The following AUTS2 variants were observed in gnomAD, a reference collection of about 807,000 sequenced individuals.
AUTS2 encodes autism susceptibility gene 2 protein.
AUTS2 carries 17 observed loss-of-function variants against 112.4 expected under a neutral mutation model. The observed-to-expected ratio is 0.15, with a 90% CI of 0.10 to 0.23. The LOEUF (loss-of-function observed/expected upper bound fraction) is 0.23. AUTS2 is among the 10% of genes least tolerant of loss of function. AUTS2 has a pLI of 1.00. For missense variants in AUTS2, 1,510 were observed against 1,701.6 expected (o/e 0.89, Z 1.98); for synonymous variants, 751 against 702.7 (o/e 1.07, Z -1.09).
chr7:69,888,377 G>A (rs1794366769), intron 1 of AUTS2, among the ~76,000 whole-genome samples: 1 of 150,862 alleles, frequency 6.6e-6, no homozygotes, highest in Admixed American at 6.6e-5. Context: ...ATGGGGGGAG[G>A]TACCAGTCTC....
At chr7:69,857,117 G>T (rs191207455) in intron 1 of AUTS2, among the ~76,000 whole-genome samples, 11 of 152,292 alleles carry the variant, frequency 7.2e-5, no homozygotes, top group Non-Finnish European at 5.9e-5. Context: ...GCACCTTGGA[G>T]TGATGGAATT....
rs35215443 is a variant in AUTS2, at chr7:70,185,257, C to CTTTTTTTTTTTTTTTTTTTTTTT, written c.660+50691_660+50713dup. ...TGCTTTGGGCCTAAATGACATTAAA[C>CTTTTTTTTTTTTTTTTTTTTTTT]TTTTTTTTTTTTTTTTTTTTTTTTT... On this transcript the variant is annotated intron_variant, in intron 4 of 18. Transcript: ENST00000342771. 1.7e-4 allele frequency among the ~76,000 whole-genome samples: 15 copies of CTTTTTTTTTTTTTTTTTTTTTTT among 87,116 alleles called. 1 individual carries two copies. The highest frequency in any genetic ancestry group is 1.5e-3 in the East Asian group (4 of 2,670). The allele number at this position is 87,116 out of a possible 152,430, so 57.2% of individuals were successfully genotyped here.
intron 1 of AUTS2, among the ~76,000 whole-genome samples, chr7:69,741,064 A>G (rs1787244605): frequency 6.6e-6 from 1 of 152,126 alleles, no homozygotes; most frequent in Non-Finnish European, 1.5e-5. Context: ...CTGTGTATGG[A>G]GTGTGGCCTG....
chr7:69,634,865 T>G (rs1794443749), intron 1 of AUTS2, among the ~76,000 whole-genome samples: 1 of 152,214 alleles, frequency 6.6e-6, no homozygotes, highest in Non-Finnish European at 1.5e-5. Flanking sequence ...TGGATTATTC[T>G]AATGGGAATT....
At chr7:70,107,951 C>T (rs1184718493) in intron 2 of AUTS2, among the ~76,000 whole-genome samples, 11 of 150,718 alleles carry the variant, frequency 7.3e-5, no homozygotes, top group Non-Finnish European at 1.5e-5. Context: ...GCGGAGCTTG[C>T]AGTGAGCTGA....
At chr7:70,686,612 C>T (rs1450246627) in intron 5 of AUTS2, among the ~76,000 whole-genome samples, 1 of 152,084 alleles carries the variant, frequency 6.6e-6, no homozygotes, top group Admixed American at 6.5e-5. Context: ...TCTCAGCTTA[C>T]TGCAACCTCC....
At chr7:70,074,429 G>C (rs1168569509) in intron 2 of AUTS2, among the ~76,000 whole-genome samples, 1 of 151,888 alleles carries the variant, frequency 6.6e-6, no homozygotes, top group Admixed American at 6.6e-5. Flanking sequence ...TAATTTTATG[G>C]GGCTCTTAGT....
Position 70,766,314 on chromosome 7 carries a change from C to G in AUTS2, c.1669C>G (p.Pro557Ala). ...CGCCATCCCACCCACCGCCATCATGCCGACGCCAGCACCTCCCATGGTGCG... is the reference window on the plus strand; with the variant it reads ...CGCCATCCCACCCACCGCCATCATGGCGACGCCAGCACCTCCCATGGTGCG... ...PHAIPPTAIM[P>A]TPAPPMFDKY... Residue 557 changes from proline to alanine, a missense_variant, in exon 9 of 19, where the codon CCG becomes GCG. Transcript: ENST00000342771. This position sits in a 1 kb window ranked among gnomAD's most constrained non-coding sequence, Gnocchi z 4.8. The G allele has an allele frequency of 6.2e-7, 1 of 1,614,074 alleles. No individual in the cohort carries two copies. The highest frequency in any genetic ancestry group is 8.5e-7 in the Non-Finnish European group (1 of 1,180,022).
chr7:70,776,703 G>A lies in AUTS2; in HGVS notation c.1933-400G>A, dbSNP rs1043433109. On this transcript the variant is annotated intron_variant, in intron 13 of 18. Coordinates refer to ENST00000342771, the MANE Select transcript of AUTS2 (RefSeq NM_015570.4). The stretch of plus-strand genomic sequence containing the variant: ...ATTTGACTCACAGACATTCACTAAT[G>A]AGCTCTTCTGAACAGCTGATTTGCA... The A allele has an allele frequency of 6.1e-5, 17 of 279,964 alleles. No homozygotes were observed. The South Asian group carries it at 6.2e-4, about 10-fold the overall frequency. 17.3% of individuals were successfully genotyped at this position (279,964 alleles called of 1,614,324 possible). A position where few individuals can be genotyped will look rare whatever the true frequency, so the allele number is the denominator to read the frequency against.
At chr7:70,283,269 G>A (rs1331085283) in intron 4 of AUTS2, among the ~76,000 whole-genome samples, 1 of 152,180 alleles carries the variant, frequency 6.6e-6, no homozygotes. Context: ...GAAAGGAAGG[G>A]TTAATAGCAT....
chr7:69,876,216 A>T (rs1189831404), intron 1 of AUTS2, among the ~76,000 whole-genome samples: 1 of 148,014 alleles, frequency 6.8e-6, no homozygotes, highest in Non-Finnish European at 1.5e-5. Context: ...AATACAAAAA[A>T]ATTAGCTGGG....
chr7:69,816,464 C>A (rs1240687150), intron 1 of AUTS2, among the ~76,000 whole-genome samples: 1 of 152,186 alleles, frequency 6.6e-6, no homozygotes, highest in Admixed American at 6.5e-5. Context: ...TGGCTTCACA[C>A]AGGTTGCTTC....
At chr7:70,721,279 C>CGTTCGTGTGT (rs1786649954) in intron 6 of AUTS2, among the ~76,000 whole-genome samples, 1 of 140,052 alleles carries the variant, frequency 7.1e-6, no homozygotes, top group Non-Finnish European at 1.5e-5. Context: ...GAATTTCATT[C>CGTTCGTGTGT]GTGTGTGTGT....
chr7:69,614,316 C>CTT (rs1554334310), intron 1 of AUTS2, among the ~76,000 whole-genome samples: 6 of 48,802 alleles, frequency 1.2e-4, no homozygotes, highest in Non-Finnish European at 1.8e-4. Context: ...CTCTCCGTCT[C>CTT]TTTCTTTCTT....
At chr7:70,600,375 A>C (rs1368961021) in intron 5 of AUTS2, among the ~76,000 whole-genome samples, 1 of 152,056 alleles carries the variant, frequency 6.6e-6, no homozygotes. Context: ...CTCCTGGGTC[A>C]AGGGATTCTC....
intron 5 of AUTS2, among the ~76,000 whole-genome samples, chr7:70,603,339 G>A (rs951052291): frequency 6.6e-6 from 1 of 152,162 alleles, no homozygotes; most frequent in Non-Finnish European, 1.5e-5. Context: ...GTGTCAGTGT[G>A]CCAGGTACCC....
At chr7:69,667,482 C>G (rs574533351) in intron 1 of AUTS2, among the ~76,000 whole-genome samples, 2 of 151,084 alleles carry the variant, frequency 1.3e-5, no homozygotes, top group Non-Finnish European at 2.9e-5. Context: ...CAGCCTCCTG[C>G]GTAGTTGGGA....
intron 5 of AUTS2, among the ~76,000 whole-genome samples, chr7:70,483,621 G>A (rs1373359752): frequency 6.6e-6 from 1 of 152,156 alleles, no homozygotes; most frequent in African/African-American, 2.4e-5. Context: ...GGAAAATGAA[G>A]ATCTAAGGCT....
intron 2 of AUTS2, among the ~76,000 whole-genome samples, chr7:69,949,217 A>G (rs533305504): frequency 1.3e-5 from 2 of 152,354 alleles, no homozygotes; most frequent in African/African-American, 4.8e-5. Context: ...TAGTGCGTGT[A>G]TGTAATGCAT....
Sources: allele counts gnomAD v4.1 joint callset (sites outside exome capture counted in the v4.1 genomes callset), GRCh38; gene constraint gnomAD v4.1.1; non-coding constraint Gnocchi (gnomAD v3.1); transcripts MANE v1.5; gene names NCBI Gene and HGNC (gene_info 2026-07-23, HGNC 2026-07-21).